The following CCDC57 variants were observed in gnomAD, a reference collection of about 807,000 sequenced individuals.
CCDC57 encodes the protein coiled-coil domain containing 57, also known as coiled-coil domain-containing protein 57.
Under a neutral mutation model 118.9 loss-of-function variants are expected in CCDC57, and 118 were observed. The observed-to-expected ratio is 0.99, with a 90% CI of 0.86 to 1.16. The LOEUF is 1.16. CCDC57 is among the 50% of genes most tolerant of loss of function. The probability of loss-of-function intolerance (pLI) is 0.00; values close to 1 mark genes in which losing one functional copy is unlikely to be tolerated. For synonymous variants in CCDC57, 527 were observed against 532.9 expected, an observed-to-expected ratio of 0.99 and a Z score of 0.15; for missense variants, 1,300 against 1,320.7, an observed-to-expected ratio of 0.98 and a Z score of 0.24.
downstream of CCDC57, chr17:82,101,475 G>C: frequency 5.6e-6 from 3 of 535,162 alleles, no homozygotes; most frequent in Non-Finnish European, 6.5e-6. Flanking sequence ...AGACGCCCCA[G>C]GGAGGAACCT....
intron 19 of CCDC57, chr17:82,107,377 G>T (rs1271362625): frequency 1.1e-5 from 5 of 465,166 alleles, no homozygotes; most frequent in African/African-American, 2.0e-5. Flanking sequence ...GCGGGAGTGG[G>T]GAGTGGGGAG....
chr17:82,132,706 A>G (rs2038571807), intron 17 of CCDC57, among the ~76,000 whole-genome samples: 1 of 150,996 alleles, frequency 6.6e-6, no homozygotes, highest in Admixed American at 6.6e-5. Flanking sequence ...GGTGTGGACT[A>G]CCACAAATGG....
chr17:82,178,984 CAG>C (rs1272645118), intron 10 of CCDC57, 41 bp downstream of exon 9: 1 of 1,598,996 alleles, frequency 6.3e-7, no homozygotes, highest in Admixed American at 1.7e-5. Flanking sequence ...CCCACCTCTG[CAG>C]AGACGCCGAG....
chr17:82,208,492 T>C (rs1485232261), intron 1 of CCDC57, among the ~76,000 whole-genome samples: 8 of 152,026 alleles, frequency 5.3e-5, no homozygotes, highest in Admixed American at 4.6e-4. Flanking sequence ...CCTGACCTCG[T>C]GATTCACCCG....
At position 82,167,770 on chromosome 17, in the gene CCDC57, C is replaced by T. The variant is rs181565095; in HGVS notation, c.1882+3931G>A. ...TGCTGGGATTACAGGTGTGCGCCAC[C>T]GTGCCCAGCTAATTTTTGTATTTTT... is the stretch of plus-strand genomic sequence containing the variant. On this transcript the variant is annotated intron_variant, in intron 13 of 19. Coordinates refer to ENST00000665763, the Ensembl canonical transcript of CCDC57. 3.6e-4 allele frequency among the ~76,000 whole-genome samples: 55 copies of T among 152,204 alleles called. No homozygotes were observed. In the East Asian group the frequency reaches 8.1e-3, roughly 22 times the overall value.
chr17:82,175,963 C>G (rs2045417147), intron 11 of CCDC57, among the ~76,000 whole-genome samples: 1 of 152,156 alleles, frequency 6.6e-6, no homozygotes, highest in Non-Finnish European at 1.5e-5. Flanking sequence ...CCAGAGAATC[C>G]CTGATCTCCC....
chr17:82,177,869 AC>A (rs1342429087), intron 11 of CCDC57, among the ~76,000 whole-genome samples: 1 of 152,138 alleles, frequency 6.6e-6, no homozygotes, highest in African/African-American at 2.4e-5. Context: ...AAAAAAGCCA[AC>A]TGCAGGCCTA....
Position 82,101,762 on chromosome 17 carries a change from CTG to C in CCDC57, c.3002_3003del (p.Thr1001ArgfsTer11). On this transcript the variant is annotated frameshift_variant, in exon 20 of 20. Transcript: ENST00000665763. LOFTEE classifies it low-confidence loss of function (END_TRUNC). ...TTTGCAGGATGAGACCGGGAGGCTCCTGTGGTCTTGGCCTTTGCCTGGGCTGC... is the reference window on the plus strand; with the variant it reads ...TTTGCAGGATGAGACCGGGAGGCTCCTGGTCTTGGCCTTTGCCTGGGCTGC... 1 of 1,610,070 alleles carries C rather than the reference CTG, an allele frequency of 6.2e-7. No individual in the cohort carries two copies. Among genetic ancestry groups the C allele is most frequent in the Non-Finnish European group, 8.5e-7 (1 of 1,178,306 alleles).
intron 18 of CCDC57, 48 bp from the exon 18 acceptor site, chr17:82,127,956 G>A: frequency 4.4e-6 from 7 of 1,599,542 alleles, no homozygotes; most frequent in Non-Finnish European, 5.1e-6. Context: ...CAACCCAGAG[G>A]AAGCCACAGG....
intron 16 of CCDC57, among the ~76,000 whole-genome samples, chr17:82,134,605 C>A (rs1434291916): frequency 3.3e-5 from 5 of 152,078 alleles, no homozygotes; most frequent in Non-Finnish European, 7.4e-5. Flanking sequence ...ATCAGCCTGG[C>A]CAACATGGTG....
intron 1 of CCDC57, among the ~76,000 whole-genome samples, chr17:82,208,754 T>TTC (rs1250204073): frequency 2.0e-5 from 3 of 152,202 alleles, no homozygotes; most frequent in African/African-American, 7.2e-5. Context: ...CAGCCTGGTC[T>TTC]TGAACTCCTG....
At chr17:82,199,812 ACT>A (rs1568471228) in intron 3 of CCDC57, among the ~76,000 whole-genome samples, 1 of 151,854 alleles carries the variant, frequency 6.6e-6, no homozygotes, top group Non-Finnish European at 1.5e-5. Context: ...CTCCAGCTCA[ACT>A]CTCTCTTTCC....
chr17:82,189,687 T>TA (rs1411249513), intron 7 of CCDC57, among the ~76,000 whole-genome samples: 3 of 151,736 alleles, frequency 2.0e-5, no homozygotes, highest in East Asian at 1.9e-4. Flanking sequence ...CAGTCTCCAC[T>TA]AAAAAAAATA....
chr17:82,126,307 G>T, intron 19 of CCDC57: 2 of 747,016 alleles, frequency 2.7e-6, no homozygotes, highest in Non-Finnish European at 3.2e-6. Flanking sequence ...AAACAGACAA[G>T]ATAAAAAACA....
chr17:82,125,426 A>C (rs918519984), intron 19 of CCDC57, among the ~76,000 whole-genome samples: 1 of 151,006 alleles, frequency 6.6e-6, no homozygotes, highest in African/African-American at 2.4e-5. Context: ...CCCAGACTGG[A>C]GTGCAGTGGT....
At chr17:82,169,162 T>G (rs2044357920) in intron 13 of CCDC57, among the ~76,000 whole-genome samples, 1 of 152,218 alleles carries the variant, frequency 6.6e-6, no homozygotes, top group Non-Finnish European at 1.5e-5. Context: ...AGTCTCGCTC[T>G]GTTACCTAGG....
At position 82,159,674 on chromosome 17, in the gene CCDC57, CT is replaced by C. The variant is rs67809116; in HGVS notation, c.2041-1727del. Among the ~76,000 whole-genome samples, 170 of 142,376 alleles carry C rather than the reference CT, an allele frequency of 1.2e-3. 1 individual carries two copies. The highest frequency in any genetic ancestry group is 1.5e-3 in the East Asian group (7 of 4,762). The allele number at this position is 142,376 out of a possible 152,430, so 93.4% of individuals were successfully genotyped here. A position where few individuals can be genotyped will look rare whatever the true frequency, so the allele number is the denominator to read the frequency against. On this transcript the variant is annotated intron_variant, in intron 14 of 19. Coordinates refer to ENST00000665763, the Ensembl canonical transcript of CCDC57. ...ATATACAATTTATATTTGTCATTTT[CT>C]TTTTTTTTTTTTTTGAGACGGAGTC...
In CCDC57 at chr17:82,128,504, G is replaced by A. The variant is rs1310863415; in HGVS notation, c.2671C>T (p.Gln891Ter). 6.4e-7 allele frequency: 1 copy of A among 1,559,626 alleles called. No individual in the cohort carries two copies. The change falls in exon 18 of 20, where the codon CAA becomes TAA. Residue 891 changes from glutamine (Q) to a stop codon, truncating the protein, a stop_gained. Transcript: ENST00000665763. LOFTEE classifies it high-confidence loss of function. ...GCCGCCACTCTCACCTTCGGGCCTTGCAGGGCGTCAAGTCTGCTGCCCACC... is the reference window on the plus strand; with the variant it reads ...GCCGCCACTCTCACCTTCGGGCCTTACAGGGCGTCAAGTCTGCTGCCCACC...
exon 20 of CCDC57, chr17:82,101,832 G>A (rs1330402590): frequency 8.8e-6 from 14 of 1,587,228 alleles, no homozygotes; most frequent in East Asian, 6.8e-5. Flanking sequence ...GCATCTTGAC[G>A]GGCCTCCTGT....
Sources: gnomAD v4.1 joint callset for allele counts (sites outside exome capture counted in the v4.1 genomes callset) on GRCh38, gnomAD v4.1.1 for gene constraint, MANE v1.5 for transcripts, NCBI Gene and HGNC (gene_info 2026-07-23, HGNC 2026-07-21) for gene names.